The following TMEM178B variants were observed in gnomAD, a reference collection of about 807,000 sequenced individuals.
TMEM178B encodes transmembrane protein 178B.
TMEM178B carries 5 observed loss-of-function variants against 31.0 expected under a neutral mutation model. That is an observed-to-expected ratio of 0.16 (90% confidence interval 0.08 to 0.34). TMEM178B has a LOEUF of 0.34. Ranked by LOEUF, TMEM178B falls within the 10% of genes least tolerant of loss-of-function variation. The pLI is 1.00. For synonymous variants in TMEM178B, 164 were observed against 164.0 expected (o/e 1.00, Z 0.00); for missense variants, 275 against 400.3 (o/e 0.69, Z 2.67).
chr7:141,508,850 A>G, the TMEM178B span, among the ~76,000 whole-genome samples: 2 of 152,218 alleles, frequency 1.3e-5, no homozygotes, highest in Non-Finnish European at 2.9e-5. Context: ...ACACAATTCA[A>G]GTTGAGATTT....
chr7:141,265,478 G>C (rs754201948), intron 2 of TMEM178B, among the ~76,000 whole-genome samples: 11 of 152,196 alleles, frequency 7.2e-5, no homozygotes, highest in Non-Finnish European at 1.3e-4. Context: ...TCTTTCTGGG[G>C]TGGGACTCAC....
At chr7:141,430,795 T>C (rs1801410906) in intron 2 of TMEM178B, among the ~76,000 whole-genome samples, 2 of 152,160 alleles carry the variant, frequency 1.3e-5, no homozygotes, top group African/African-American at 4.8e-5. Context: ...GACCGACTGA[T>C]CCTTTAGGAC....
intron 1 of TMEM178B, among the ~76,000 whole-genome samples, chr7:141,187,154 A>C (rs1168770526): frequency 3.3e-5 from 4 of 122,214 alleles, no homozygotes; most frequent in South Asian, 2.6e-4. Context: ...ATGTGTTCTC[A>C]TTGTTCAATT....
intron 1 of TMEM178B, among the ~76,000 whole-genome samples, chr7:141,158,620 G>T (rs993399644): frequency 6.6e-6 from 1 of 152,194 alleles, no homozygotes; most frequent in African/African-American, 2.4e-5. Context: ...GACTCCCAGG[G>T]ACTTGAGAAG....
chr7:141,435,779 C>G (rs1041299532), intron 2 of TMEM178B, among the ~76,000 whole-genome samples: 1 of 152,174 alleles, frequency 6.6e-6, no homozygotes, highest in Non-Finnish European at 1.5e-5. Context: ...AATCAGGCAC[C>G]CTGGGCAGTT....
rs571001177 is a variant in TMEM178B, at chr7:141,233,086, C to T, written c.496+20382C>T. On this transcript the variant is annotated intron_variant, in intron 2 of 3. Transcript: ENST00000565468. ...ATCCTGGAGAAGTGTGTTAGTTCTG[C>T]GATTGAAACCTCAATCTTCCCTGCT... 7.7e-4 allele frequency among the ~76,000 whole-genome samples: 117 copies of T among 152,288 alleles called. 1 individual carries two copies. In the South Asian group the frequency reaches 0.019, roughly 25 times the overall value.
At chr7:141,492,637 CA>C in the TMEM178B span, among the ~76,000 whole-genome samples, 1 of 152,208 alleles carries the variant, frequency 6.6e-6, no homozygotes, top group Non-Finnish European at 1.5e-5. Context: ...GTGGGAACGA[CA>C]GAAATGAAAA....
intron 2 of TMEM178B, among the ~76,000 whole-genome samples, chr7:141,247,838 T>C (rs933565395): frequency 6.6e-6 from 1 of 152,222 alleles, no homozygotes; most frequent in African/African-American, 2.4e-5. Flanking sequence ...AAAAATTATT[T>C]GTTGTTTATC....
chr7:141,079,289 A>AAAAC (rs534633571), intron 1 of TMEM178B, among the ~76,000 whole-genome samples: 133 of 152,258 alleles, frequency 8.7e-4, no homozygotes, highest in African/African-American at 2.7e-3. Flanking sequence ...TCTGTCTCAA[A>AAAAC]AAACAAACAA....
chr7:141,383,712 A>G (rs1291956598), intron 2 of TMEM178B, among the ~76,000 whole-genome samples: 1 of 152,244 alleles, frequency 6.6e-6, no homozygotes, highest in African/African-American at 2.4e-5. Flanking sequence ...AGCATGATTT[A>G]TAATCCTTTG....
chr7:141,127,278 A>G (rs1325711348), intron 1 of TMEM178B, among the ~76,000 whole-genome samples: 1 of 152,206 alleles, frequency 6.6e-6, no homozygotes, highest in East Asian at 1.9e-4. Context: ...TCACCTGGGA[A>G]CTGTTTTGTA....
intron 3 of TMEM178B, among the ~76,000 whole-genome samples, chr7:141,443,775 C>A (rs1801704296): frequency 6.6e-6 from 1 of 152,178 alleles, no homozygotes; most frequent in Non-Finnish European, 1.5e-5. Flanking sequence ...GATGGAGTAG[C>A]TATCTAATTT....
intron 2 of TMEM178B, among the ~76,000 whole-genome samples, chr7:141,275,310 C>A (rs1278372376): frequency 3.3e-5 from 5 of 152,150 alleles, no homozygotes; most frequent in African/African-American, 1.2e-4. Context: ...TAAGAAAAGA[C>A]AAAATCAAAG....
At chr7:141,411,358 C>T (rs1189616350) in intron 2 of TMEM178B, among the ~76,000 whole-genome samples, 1 of 151,958 alleles carries the variant, frequency 6.6e-6, no homozygotes, top group Non-Finnish European at 1.5e-5. Flanking sequence ...GATGGTTGCG[C>T]AACAGTATGA....
chr7:141,207,169 A>G (rs1796980344), intron 1 of TMEM178B, among the ~76,000 whole-genome samples: 1 of 152,242 alleles, frequency 6.6e-6, no homozygotes, highest in East Asian at 1.9e-4. Flanking sequence ...TGCATATCGC[A>G]TGGATACAGC....
intron 1 of TMEM178B, among the ~76,000 whole-genome samples, chr7:141,102,147 A>G (rs1229404536): frequency 1.3e-5 from 2 of 152,146 alleles, no homozygotes; most frequent in Non-Finnish European, 1.5e-5. Context: ...AGATTTTGTA[A>G]TTAGTAGTTT....
At chr7:141,323,633 A>C (rs1189775750) in intron 2 of TMEM178B, among the ~76,000 whole-genome samples, 1 of 152,160 alleles carries the variant, frequency 6.6e-6, no homozygotes, top group Non-Finnish European at 1.5e-5. Context: ...CAAGTACTGT[A>C]TTTTAGCATT....
At chr7:141,287,491 T>C (rs529769890) in intron 2 of TMEM178B, among the ~76,000 whole-genome samples, 7 of 152,324 alleles carry the variant, frequency 4.6e-5, no homozygotes, top group Admixed American at 1.3e-4. Flanking sequence ...TCTTAAAATA[T>C]AGAAATGAGG....
At chr7:141,451,158 C>G (rs1469111199) in intron 3 of TMEM178B, among the ~76,000 whole-genome samples, 1 of 152,170 alleles carries the variant, frequency 6.6e-6, no homozygotes, top group Non-Finnish European at 1.5e-5. Context: ...TTAACAAAGG[C>G]CTCAGGGCCA....
Sources: allele counts gnomAD v4.1 joint callset (sites outside exome capture counted in the v4.1 genomes callset), GRCh38; gene constraint gnomAD v4.1.1; transcripts MANE v1.5; gene names NCBI Gene and HGNC (gene_info 2026-07-23, HGNC 2026-07-21).